Variants in CCDC144A observed in about 807,000 individuals in gnomAD.
The protein encoded by CCDC144A is coiled-coil domain containing 144A, also known as coiled-coil domain-containing protein 144A.
CCDC144A carries 41 observed loss-of-function variants against 143.8 expected under a neutral mutation model. That is an observed-to-expected ratio of 0.29 (90% CI 0.22 to 0.37). CCDC144A has a LOEUF of 0.37. CCDC144A is among the 10% of genes least tolerant of loss of function. The pLI is 1.00. For missense variants in CCDC144A, 637 were observed against 1,488.8 expected (o/e 0.43, Z 9.41); for synonymous variants, 242 against 517.9 (o/e 0.47, Z 7.23).
intron 12 of CCDC144A, among the ~76,000 whole-genome samples, chr17:16,752,449 C>T (rs984665326): frequency 7.2e-5 from 11 of 151,970 alleles, no homozygotes; most frequent in African/African-American, 2.2e-4. Flanking sequence ...CCTCTCTTCT[C>T]GGCATTGTGA....
At chr17:16,720,943 A>T (rs1913058544) in intron 8 of CCDC144A, among the ~76,000 whole-genome samples, 1 of 152,054 alleles carries the variant, frequency 6.6e-6, no homozygotes, top group Non-Finnish European at 1.5e-5. Context: ...CGAGAATCTT[A>T]GGAATCTTAG....
chr17:16,685,450 G>A (rs1406984089), upstream of CCDC144A, among the ~76,000 whole-genome samples: 4 of 151,246 alleles, frequency 2.6e-5, no homozygotes, highest in Admixed American at 1.3e-4. Flanking sequence ...GCGTGGTCTC[G>A]GCTCACTGCA....
chr17:16,668,369 C>T, the CCDC144A span, among the ~76,000 whole-genome samples: 31 of 152,188 alleles, frequency 2.0e-4, no homozygotes, highest in Non-Finnish European at 3.2e-4. Context: ...TGATTCTAGG[C>T]CCTCTAATTA....
chr17:16,682,049 G>A, the CCDC144A span, among the ~76,000 whole-genome samples: 3 of 152,192 alleles, frequency 2.0e-5, no homozygotes, highest in African/African-American at 7.2e-5. Context: ...TTTCCCCCAA[G>A]AAATGTCTGC....
intron 13 of CCDC144A, 24 bp downstream of exon 13, chr17:16,761,742 G>A: frequency 6.3e-7 from 1 of 1,592,382 alleles, no homozygotes; most frequent in Non-Finnish European, 8.5e-7. Context: ...TCTGTAATGT[G>A]CTTTCATTCA....
At chr17:16,728,501 T>C (rs1291951674) in intron 9 of CCDC144A, among the ~76,000 whole-genome samples, 1 of 152,200 alleles carries the variant, frequency 6.6e-6, no homozygotes, top group Non-Finnish European at 1.5e-5. Context: ...AATTTATAGT[T>C]CAAGCAACAG....
In CCDC144A at chr17:16,742,165, A is replaced by G. The variant is rs553771685; in HGVS notation, c.3372+6522A>G. On this transcript the variant is annotated intron_variant, in intron 12 of 16. Coordinates refer to ENST00000399273, the MANE Select transcript of CCDC144A (RefSeq NM_001382000.1). ...ACACTAGAATTCATTCCTCCTATGT[A>G]ACTGTAATCTTGTATCCATTAACCA... is the stretch of plus-strand genomic sequence containing the variant. Among the ~76,000 whole-genome samples, 7 of 152,026 alleles carry G rather than the reference A, an allele frequency of 4.6e-5. No individual in the cohort carries two copies. The East Asian group carries it at 1.2e-3, about 25-fold the overall frequency.
intron 12 of CCDC144A, among the ~76,000 whole-genome samples, chr17:16,737,375 C>T (rs1914068591): frequency 1.3e-5 from 2 of 151,552 alleles, no homozygotes; most frequent in South Asian, 4.2e-4. Flanking sequence ...ACCGTTTTAG[C>T]CGGGATGGTC....
chr17:16,759,212 T>C (rs71224444), intron 12 of CCDC144A, among the ~76,000 whole-genome samples: 3 of 152,402 alleles, frequency 2.0e-5, no homozygotes, highest in South Asian at 2.1e-4. Flanking sequence ...CTGATATTTG[T>C]AATTTATAGG....
the CCDC144A span, among the ~76,000 whole-genome samples, chr17:16,674,640 A>T: frequency 6.6e-6 from 1 of 151,942 alleles, no homozygotes; most frequent in Non-Finnish European, 1.5e-5. Flanking sequence ...AAAGAAAGAA[A>T]ATGTTTCAAG....
At chr17:16,731,428 C>T (rs569739822) in intron 9 of CCDC144A, 1 of 199,510 alleles carries the variant, frequency 5.0e-6, no homozygotes, top group Non-Finnish European at 1.0e-5. Flanking sequence ...ACAGTAACTT[C>T]TTTTAAATTA....
chr17:16,745,671 C>T, intron 12 of CCDC144A: 1 of 1,610,474 alleles, frequency 6.2e-7, no homozygotes, highest in Non-Finnish European at 8.5e-7. Context: ...AGTCCCCGAA[C>T]CTTCTGCCTT....
At chr17:16,683,504 G>A in the CCDC144A span, 1 of 1,500,200 alleles carries the variant, frequency 6.7e-7, no homozygotes, top group African/African-American at 1.4e-5. Flanking sequence ...GCTCTCGCGG[G>A]TTCGGGATGT....
chr17:16,680,597 TAAAG>T, the CCDC144A span, among the ~76,000 whole-genome samples: 3 of 84,738 alleles, frequency 3.5e-5, no homozygotes, highest in African/African-American at 9.4e-5. Flanking sequence ...GAGAGAGAAA[TAAAG>T]AAAAAGGAAG....
At position 16,708,852 on chromosome 17, in the gene CCDC144A, A is replaced by G. The variant is rs1346940681; in HGVS notation, c.795A>G (p.Ile265Met). ...AKDCDREDIP[I>M]YPVLPHVQKS... ...ATTGCGATAGAGAGGATATACCTAT[A>G]TATCCAGTACTTCCTCATGTGCAAA... Residue 265 changes from isoleucine to methionine, a missense_variant, in exon 5 of 17, where the codon ATA (isoleucine) becomes ATG (methionine). Ile to Met is a conservative substitution (Grantham distance 10, BLOSUM62 1). Coordinates refer to ENST00000399273, the MANE Select transcript of CCDC144A (RefSeq NM_001382000.1). 6.2e-7 allele frequency: 1 copy of G among 1,611,914 alleles called. No individual in the cohort carries two copies.
the CCDC144A span, among the ~76,000 whole-genome samples, chr17:16,669,267 A>T: frequency 6.6e-6 from 1 of 152,372 alleles, no homozygotes; most frequent in South Asian, 2.1e-4. Context: ...TCAGAAAGAG[A>T]AGAATGTTTT....
At chr17:16,700,419 T>C (rs1380625895) in intron 2 of CCDC144A, among the ~76,000 whole-genome samples, 2 of 152,148 alleles carry the variant, frequency 1.3e-5, no homozygotes, top group Non-Finnish European at 2.9e-5. Flanking sequence ...AGGAAATTAA[T>C]TGTTCATAGT....
At chr17:16,692,433 C>G (rs1015707654) in intron 1 of CCDC144A, among the ~76,000 whole-genome samples, 1 of 116,052 alleles carries the variant, frequency 8.6e-6, no homozygotes, top group East Asian at 2.5e-4. Context: ...ACTAATAAAA[C>G]TAGAACTTAA....
intron 5 of CCDC144A, 43 bp from the exon 6 acceptor site, chr17:16,711,636 T>A (rs1325391366): frequency 6.2e-7 from 1 of 1,609,736 alleles, no homozygotes; most frequent in Non-Finnish European, 8.5e-7. Flanking sequence ...TTGTATTGAA[T>A]AAAGCAATAA....
Sources: gnomAD v4.1 joint callset for allele counts (sites outside exome capture counted in the v4.1 genomes callset) on GRCh38, gnomAD v4.1.1 for gene constraint, MANE v1.5 for transcripts, NCBI Gene and HGNC (gene_info 2026-07-23, HGNC 2026-07-21) for gene names.